The following TANC1 variants were observed in gnomAD, a reference collection of about 807,000 sequenced individuals.
The protein encoded by TANC1 is protein TANC1.
A neutral mutation model predicts 149.7 loss-of-function variants in TANC1; 77 were observed. The ratio of observed to expected loss-of-function variants is 0.51; its 90% CI spans 0.43 to 0.62. The LOEUF is 0.62. Ranked by LOEUF, TANC1 falls within the 20% of genes least tolerant of loss-of-function variation. The probability of loss-of-function intolerance (pLI) is 0.00; values close to 1 mark genes in which losing one functional copy is unlikely to be tolerated. For missense variants in TANC1, 1,985 were observed against 2,321.8 expected (o/e 0.85, Z 2.98); for synonymous variants, 854 against 925.0 (o/e 0.92, Z 1.39).
At chr2:159,068,833 G>T (rs908267293) in intron 3 of TANC1, among the ~76,000 whole-genome samples, 3 of 152,150 alleles carry the variant, frequency 2.0e-5, no homozygotes, top group Non-Finnish European at 4.4e-5. Flanking sequence ...TCCGCCTCCT[G>T]GGTTCAAGCA....
intron 3 of TANC1, among the ~76,000 whole-genome samples, chr2:159,066,710 A>G (rs1434994936): frequency 6.6e-6 from 1 of 152,216 alleles, no homozygotes; most frequent in East Asian, 1.9e-4. Context: ...TTTACTCCTA[A>G]CAGGTGGAGC....
At chr2:159,169,447 A>T in intron 9 of TANC1, 75 bp downstream of exon 9, 1 of 1,448,830 alleles carries the variant, frequency 6.9e-7, no homozygotes, top group Non-Finnish European at 9.6e-7. Context: ...TGTGATAACC[A>T]GCATTGAAGC....
chr2:159,076,792 C>T (rs1050664721), intron 3 of TANC1, among the ~76,000 whole-genome samples: 4 of 152,102 alleles, frequency 2.6e-5, no homozygotes, highest in Admixed American at 6.6e-5. Flanking sequence ...CTAGTTAAAG[C>T]AAAGATGGAC....
intron 1 of TANC1, among the ~76,000 whole-genome samples, chr2:158,991,149 A>C (rs2035589673): frequency 6.6e-6 from 1 of 151,318 alleles, no homozygotes; most frequent in Non-Finnish European, 1.5e-5. Context: ...GATCAGAGGT[A>C]GTTTAGGGAT....
At chr2:158,983,701 C>G (rs1227978996) in intron 1 of TANC1, among the ~76,000 whole-genome samples, 1 of 152,016 alleles carries the variant, frequency 6.6e-6, no homozygotes, top group East Asian at 1.9e-4. Flanking sequence ...GTACTGTGCT[C>G]AAGTCATACA....
chr2:159,230,622 G>T lies in TANC1; in HGVS notation c.5196G>T (p.Arg1732Ser). The change falls in exon 27 of 27, where the codon AGG becomes AGT. Residue 1732 changes from arginine to serine, a missense_variant. Physicochemically the swap from Arg to Ser is moderately radical, Grantham distance 110 (BLOSUM62 -1). Coordinates refer to ENST00000263635, the MANE Select transcript of TANC1 (RefSeq NM_033394.3). The surrounding 1 kb of genome is among the most constrained non-coding windows in gnomAD (Gnocchi z 4.4). ...TGGGCATCATGGATAAGACTGCGAG[G>T]TTCCAACAGCAGAGCAATCCTCCAA... ...PFMGIMDKTARFQQQSNPPSR... is the reference protein window; with the variant it reads ...PFMGIMDKTASFQQQSNPPSR... 1 of 1,614,212 alleles carries T rather than the reference G, an allele frequency of 6.2e-7. No homozygotes were observed. Among genetic ancestry groups the T allele is most frequent in the Non-Finnish European group, 8.5e-7 (1 of 1,180,048 alleles).
At chr2:159,106,458 G>T (rs2047193426) in intron 4 of TANC1, among the ~76,000 whole-genome samples, 1 of 152,102 alleles carries the variant, frequency 6.6e-6, no homozygotes, top group Non-Finnish European at 1.5e-5. Context: ...GCATCGTGTT[G>T]TCTAGGTTCA....
At chr2:159,099,456 C>T (rs913543368) in intron 4 of TANC1, among the ~76,000 whole-genome samples, 16 of 151,542 alleles carry the variant, frequency 1.1e-4, no homozygotes, top group African/African-American at 3.6e-4. Context: ...TTATCAGGTA[C>T]GTCATTTGTC....
At chr2:159,011,288 C>T (rs1333555879) in intron 2 of TANC1, among the ~76,000 whole-genome samples, 1 of 152,000 alleles carries the variant, frequency 6.6e-6, no homozygotes, top group Non-Finnish European at 1.5e-5. Context: ...TTTTCTCTTT[C>T]TTTCTGTTTT....
intron 4 of TANC1, among the ~76,000 whole-genome samples, chr2:159,132,301 G>A (rs1277409941): frequency 6.6e-6 from 1 of 152,148 alleles, no homozygotes; most frequent in Non-Finnish European, 1.5e-5. Context: ...TTATATTCTA[G>A]GTCTCCTTTC....
chr2:159,205,216 G>A lies in TANC1; in HGVS notation c.3244+6163G>A, dbSNP rs190114522. On this transcript the variant is annotated intron_variant, in intron 19 of 26. Transcript: ENST00000263635. The stretch of plus-strand genomic sequence containing the variant: ...CTCTTTTGGCTTCAGTCACAGGGAG[G>A]CCCCAGGCGTGGACGGTGGGCTTCC... 2.0e-5 allele frequency among the ~76,000 whole-genome samples: 3 copies of A among 152,324 alleles called. No homozygotes were observed. In the East Asian group the frequency reaches 5.8e-4, roughly 29 times the overall value.
At chr2:159,039,091 G>A (rs557452486) in intron 2 of TANC1, among the ~76,000 whole-genome samples, 62 of 152,204 alleles carry the variant, frequency 4.1e-4, no homozygotes, top group Admixed American at 2.5e-3. Context: ...GAGTGTGTGC[G>A]TCCAGGAACT....
chr2:159,132,658 T>A (rs2050227197), intron 4 of TANC1, among the ~76,000 whole-genome samples: 1 of 118,872 alleles, frequency 8.4e-6, no homozygotes, highest in African/African-American at 3.5e-5. Context: ...CCAGCTAATT[T>A]TTTTTTTTTT....
chr2:159,216,939 G>A (rs747456706), intron 19 of TANC1, among the ~76,000 whole-genome samples: 4 of 152,198 alleles, frequency 2.6e-5, no homozygotes, highest in Non-Finnish European at 5.9e-5. Context: ...ATACCAACCT[G>A]TGTTTGCATT....
chr2:159,140,096 C>T (rs529018087), intron 5 of TANC1, among the ~76,000 whole-genome samples: 2 of 152,018 alleles, frequency 1.3e-5, no homozygotes, highest in East Asian at 3.9e-4. Context: ...AGCAGTGCAC[C>T]TCTCTGGTCC....
At chr2:159,126,666 AACT>A (rs758385047) in intron 4 of TANC1, among the ~76,000 whole-genome samples, 2 of 152,260 alleles carry the variant, frequency 1.3e-5, no homozygotes, top group Non-Finnish European at 2.9e-5. Flanking sequence ...AAAGCTGGTT[AACT>A]ACTCTTGGAG....
intron 12 of TANC1, 86 bp downstream of exon 12, chr2:159,175,270 G>T (rs2055721084): frequency 4.5e-6 from 5 of 1,112,396 alleles, no homozygotes; most frequent in Non-Finnish European, 5.3e-6. Flanking sequence ...GGTCAGCCGG[G>T]CTGGGGTAGA....
Position 159,077,553 on chromosome 2 carries a change from C to G in TANC1, c.61+11582C>G, listed in dbSNP as rs1377371534. The stretch of plus-strand genomic sequence containing the variant: ...TATGGACACACATCAATACATATAT[C>G]GATCCTTAAGAAACCCCACATGGAC... On this transcript the variant is annotated intron_variant, in intron 3 of 26. Transcript: ENST00000263635. Among the ~76,000 whole-genome samples, 3 of 152,118 alleles carry G rather than the reference C, an allele frequency of 2.0e-5. No homozygotes were observed. The South Asian group carries it at 6.2e-4, about 32-fold the overall frequency.
chr2:159,141,473 G>A (rs2051362118), intron 5 of TANC1, among the ~76,000 whole-genome samples: 1 of 152,182 alleles, frequency 6.6e-6, no homozygotes, highest in Admixed American at 6.5e-5. Flanking sequence ...GAATTGCAAG[G>A]ACCTGGGAAC....
Sources: gnomAD v4.1 joint callset for allele counts (sites outside exome capture counted in the v4.1 genomes callset) on GRCh38, gnomAD v4.1.1 for gene constraint, Gnocchi (gnomAD v3.1) non-coding constraint, MANE v1.5 for transcripts, NCBI Gene and HGNC (gene_info 2026-07-23, HGNC 2026-07-21) for gene names.